FSTL5: variants seen among roughly 807,000 people sequenced by gnomAD.
FSTL5 encodes the protein follistatin-related protein 5.
Under a neutral mutation model 89.1 loss-of-function variants are expected in FSTL5, and 62 were observed. The observed-to-expected ratio is 0.70, with a 90% confidence interval of 0.57 to 0.86. FSTL5 has a LOEUF of 0.86. Ranked by LOEUF, FSTL5 falls within the 40% of genes least tolerant of loss-of-function variation. The pLI, the probability that FSTL5 is intolerant of heterozygous loss-of-function variation, is 0.00. For synonymous variants in FSTL5, 383 were observed against 346.2 expected (o/e 1.11, Z -1.18); for missense variants, 1,057 against 1,001.6 (o/e 1.06, Z -0.75).
chr4:161,958,394 G>C (rs1248330100), intron 3 of FSTL5, among the ~76,000 whole-genome samples: 1 of 152,012 alleles, frequency 6.6e-6, no homozygotes, highest in East Asian at 1.9e-4. Flanking sequence ...ATTTTGATTT[G>C]ATAGAATGAA....
At chr4:162,004,353 A>T (rs1380564870) in intron 3 of FSTL5, among the ~76,000 whole-genome samples, 1 of 152,208 alleles carries the variant, frequency 6.6e-6, no homozygotes, top group African/African-American at 2.4e-5. Flanking sequence ...CTCTGCTTCC[A>T]AAATTCAAAT....
At chr4:161,655,288 G>C (rs1457382031) in intron 7 of FSTL5, among the ~76,000 whole-genome samples, 9 of 151,822 alleles carry the variant, frequency 5.9e-5, no homozygotes, top group African/African-American at 1.2e-4. Flanking sequence ...GCTTCTGAGA[G>C]CTTTTTTTTT....
At chr4:161,704,976 C>T (rs886545841) in intron 6 of FSTL5, among the ~76,000 whole-genome samples, 12 of 151,990 alleles carry the variant, frequency 7.9e-5, no homozygotes, top group African/African-American at 2.9e-4. Flanking sequence ...ACCCTGACAT[C>T]TGTTACTTAA....
At chr4:161,475,112 A>T (rs940447939) in intron 13 of FSTL5, among the ~76,000 whole-genome samples, 14 of 149,666 alleles carry the variant, frequency 9.4e-5, no homozygotes, top group African/African-American at 3.2e-4. Flanking sequence ...AATAAATCTG[A>T]TAGCAATCTT....
intron 15 of FSTL5, among the ~76,000 whole-genome samples, chr4:161,398,571 G>A (rs1731078832): frequency 6.6e-6 from 1 of 151,910 alleles, no homozygotes; most frequent in Non-Finnish European, 1.5e-5. Context: ...TATTGCTTCT[G>A]TGCATCAAAA....
intron 15 of FSTL5, among the ~76,000 whole-genome samples, chr4:161,404,717 A>T (rs951573788): frequency 6.6e-6 from 1 of 151,970 alleles, no homozygotes; most frequent in African/African-American, 2.4e-5. Flanking sequence ...AAAAAAAAAA[A>T]CAACAATGAT....
chr4:161,685,368 C>T (rs1319047171), intron 6 of FSTL5, among the ~76,000 whole-genome samples: 1 of 152,068 alleles, frequency 6.6e-6, no homozygotes, highest in Non-Finnish European at 1.5e-5. Context: ...ATTGATTCTA[C>T]CCATCCATGA....
chr4:161,584,391 T>C (rs1733537758), intron 8 of FSTL5, among the ~76,000 whole-genome samples: 1 of 152,228 alleles, frequency 6.6e-6, no homozygotes, highest in Non-Finnish European at 1.5e-5. Flanking sequence ...GTGAATTAGA[T>C]CACATCAATT....
intron 3 of FSTL5, among the ~76,000 whole-genome samples, chr4:162,018,137 C>T (rs772496860): frequency 6.6e-6 from 1 of 152,030 alleles, no homozygotes; most frequent in Admixed American, 6.6e-5. Flanking sequence ...TACACAGGCC[C>T]CTTCTCAGAT....
At chr4:161,765,851 T>C (rs1232107934) in intron 5 of FSTL5, among the ~76,000 whole-genome samples, 2 of 151,620 alleles carry the variant, frequency 1.3e-5, no homozygotes, top group African/African-American at 2.4e-5. Flanking sequence ...GCTAGAGTAC[T>C]GTGGCACAAT....
chr4:161,960,986 C>T (rs1735159053), intron 3 of FSTL5, among the ~76,000 whole-genome samples: 4 of 151,988 alleles, frequency 2.6e-5, no homozygotes, highest in Non-Finnish European at 1.5e-5. Flanking sequence ...ATATATATCT[C>T]ATTAAATATA....
At chr4:161,919,719 A>G (rs1162882083) in intron 4 of FSTL5, among the ~76,000 whole-genome samples, 1 of 152,216 alleles carries the variant, frequency 6.6e-6, no homozygotes, top group African/African-American at 2.4e-5. Context: ...AGCATGAACA[A>G]GTAAACAACA....
chr4:161,810,885 G>C (rs1320909029), intron 4 of FSTL5, among the ~76,000 whole-genome samples: 1 of 152,022 alleles, frequency 6.6e-6, no homozygotes, highest in Admixed American at 6.6e-5. Context: ...AGCAACCATA[G>C]CAACAAACAA....
intron 1 of FSTL5, among the ~76,000 whole-genome samples, chr4:162,160,838 A>C (rs1354853077): frequency 6.6e-6 from 1 of 151,800 alleles, no homozygotes; most frequent in African/African-American, 2.4e-5. Context: ...AAAACAAAAA[A>C]AAAGCAAGCA....
At chr4:161,445,429 T>C (rs1025599590) in intron 15 of FSTL5, among the ~76,000 whole-genome samples, 9 of 151,946 alleles carry the variant, frequency 5.9e-5, no homozygotes, top group African/African-American at 1.2e-4. Context: ...AAATGAATTT[T>C]TTAATCTTTT....
intron 4 of FSTL5, among the ~76,000 whole-genome samples, chr4:161,906,840 T>C (rs1314886749): frequency 6.6e-6 from 1 of 152,180 alleles, no homozygotes; most frequent in African/African-American, 2.4e-5. Flanking sequence ...GGGCATGACA[T>C]ACTCTTTATT....
At chr4:161,779,583 G>C (rs1009333555) in intron 4 of FSTL5, among the ~76,000 whole-genome samples, 1 of 151,232 alleles carries the variant, frequency 6.6e-6, no homozygotes, top group Admixed American at 6.6e-5. Context: ...CTTGTTCAAG[G>C]TTATAGAACT....
chr4:161,584,922 C>T (rs146625649), intron 8 of FSTL5, among the ~76,000 whole-genome samples: 2,464 of 152,196 alleles, frequency 0.016, 67 homozygotes, highest in South Asian at 0.13. Flanking sequence ...TTCAGGGACC[C>T]TTGTACCTCG....
At chr4:161,477,323 C>A (rs372391748) in intron 13 of FSTL5, among the ~76,000 whole-genome samples, 19 of 150,286 alleles carry the variant, frequency 1.3e-4, no homozygotes, top group East Asian at 1.0e-3. Context: ...TAAATTACTG[C>A]CTTTTTAAAG....
Sources: allele counts gnomAD v4.1 joint callset (sites outside exome capture counted in the v4.1 genomes callset), GRCh38; gene constraint gnomAD v4.1.1; transcripts MANE v1.5; gene names NCBI Gene and HGNC (gene_info 2026-07-23, HGNC 2026-07-21).